FAF1: variants seen among roughly 807,000 people sequenced by gnomAD.
FAF1 encodes the protein Fas associated factor 1, also known as FAS-associated factor 1.
Under a neutral mutation model 92.5 loss-of-function variants are expected in FAF1, and 25 were observed. The observed-to-expected ratio is 0.27, with a 90% CI of 0.20 to 0.38. The LOEUF is 0.38. Among genes scored for constraint, FAF1 ranks in the 10% least tolerant of loss-of-function variants. The probability of loss-of-function intolerance (pLI) is 1.00; values close to 1 mark genes in which losing one functional copy is unlikely to be tolerated. For missense variants in FAF1, 636 were observed against 793.3 expected, an observed-to-expected ratio of 0.80 and a Z score of 2.38; for synonymous variants, 234 against 273.2, an observed-to-expected ratio of 0.86 and a Z score of 1.42.
At chr1:50,950,237 G>T (rs1288464170) in intron 1 of FAF1, among the ~76,000 whole-genome samples, 1 of 152,114 alleles carries the variant, frequency 6.6e-6, no homozygotes, top group African/African-American at 2.4e-5. Flanking sequence ...AAAACAAAAA[G>T]ACAACAGCTA....
At chr1:50,727,075 C>T (rs1433820571) in intron 6 of FAF1, among the ~76,000 whole-genome samples, 1 of 152,214 alleles carries the variant, frequency 6.6e-6, no homozygotes, top group Non-Finnish European at 1.5e-5. Flanking sequence ...CTTCACTCTG[C>T]CCTTCACTTA....
chr1:50,704,142 A>C (rs1657581228), intron 7 of FAF1, among the ~76,000 whole-genome samples: 1 of 152,202 alleles, frequency 6.6e-6, no homozygotes, highest in Admixed American at 6.5e-5. Flanking sequence ...TAACTTGGCC[A>C]TTATGCTCCT....
At chr1:50,713,632 A>G (rs1658043574) in intron 6 of FAF1, among the ~76,000 whole-genome samples, 1 of 152,068 alleles carries the variant, frequency 6.6e-6, no homozygotes, top group Non-Finnish European at 1.5e-5. Flanking sequence ...CAAACGTAGA[A>G]CCTTTTAAAA....
chr1:50,720,373 T>G (rs116307259), intron 6 of FAF1, among the ~76,000 whole-genome samples: 1,981 of 152,296 alleles, frequency 0.013, 42 homozygotes, highest in African/African-American at 0.044. Flanking sequence ...AAATTTAAGT[T>G]GAACAGTAAT....
intron 1 of FAF1, among the ~76,000 whole-genome samples, chr1:50,866,147 C>A (rs1644480093): frequency 6.6e-6 from 1 of 152,074 alleles, no homozygotes; most frequent in African/African-American, 2.4e-5. Context: ...CAAAATCCAG[C>A]ATTTCTCTGT....
intron 4 of FAF1, among the ~76,000 whole-genome samples, chr1:50,760,996 T>A (rs188878417): frequency 1.3e-5 from 2 of 152,150 alleles, no homozygotes; most frequent in East Asian, 3.9e-4. Flanking sequence ...TAAAAAATGA[T>A]AAAGGGGATA....
chr1:50,750,587 G>A (rs530879188), intron 4 of FAF1, among the ~76,000 whole-genome samples: 19 of 150,360 alleles, frequency 1.3e-4, no homozygotes, highest in Non-Finnish European at 2.4e-4. Flanking sequence ...TCCTTTGTTT[G>A]GAGTAATGTT....
intron 15 of FAF1, among the ~76,000 whole-genome samples, chr1:50,517,463 T>C (rs9645408): frequency 0.071 from 10,869 of 152,152 alleles, 418 homozygotes; most frequent in African/African-American, 0.098. Flanking sequence ...GATACTTTTA[T>C]TTACATAGTG....
At chr1:50,892,343 T>C (rs954777559) in intron 1 of FAF1, among the ~76,000 whole-genome samples, 6 of 152,346 alleles carry the variant, frequency 3.9e-5, no homozygotes, top group Middle Eastern at 3.4e-3. Context: ...TGGTTCACGC[T>C]TGGTGCGCTG....
chr1:50,865,913 A>C (rs1644478043), intron 1 of FAF1, among the ~76,000 whole-genome samples: 1 of 151,938 alleles, frequency 6.6e-6, no homozygotes, highest in South Asian at 2.1e-4. Context: ...AAAAGAAAAG[A>C]TCCAACTAAG....
intron 5 of FAF1, among the ~76,000 whole-genome samples, chr1:50,742,667 A>C (rs376574210): frequency 6.6e-6 from 1 of 152,334 alleles, no homozygotes; most frequent in South Asian, 2.1e-4. Flanking sequence ...TACAAGGGTG[A>C]GCCACTCCAC....
At chr1:50,453,550 T>G (rs1646318673) in intron 18 of FAF1, among the ~76,000 whole-genome samples, 1 of 152,234 alleles carries the variant, frequency 6.6e-6, no homozygotes, top group Non-Finnish European at 1.5e-5. Flanking sequence ...CAAGGCTCTC[T>G]CTGAGCTATT....
rs371954466 is a variant in FAF1, at chr1:50,779,566, AG to A, written c.367+8433del. On this transcript the variant is annotated intron_variant, in intron 4 of 18. Coordinates refer to ENST00000396153, the MANE Select transcript of FAF1 (RefSeq NM_007051.3). ...ATATCTAAATATATATTTAGATATG[AG>A]ATAAATATAGAAAATTATATATAAA... 1.8e-4 allele frequency among the ~76,000 whole-genome samples: 28 copies of A among 151,752 alleles called. No individual in the cohort carries two copies. In the South Asian group the frequency reaches 4.6e-3, roughly 25 times the overall value.
intron 18 of FAF1, among the ~76,000 whole-genome samples, chr1:50,454,542 G>C (rs887714888): frequency 2.0e-5 from 3 of 152,170 alleles, no homozygotes; most frequent in African/African-American, 7.2e-5. Context: ...TCCCTCATAT[G>C]CCTATCCCAT....
intron 13 of FAF1, 94 bp downstream of exon 13, chr1:50,566,983 A>G (rs1418747019): frequency 3.2e-6 from 3 of 951,874 alleles, no homozygotes; most frequent in East Asian, 5.1e-5. Flanking sequence ...AGAGAGTTTA[A>G]TGCTGAGGAT....
rs1486866107 is a variant in FAF1, at chr1:50,441,332, A to G, written c.*108T>C. On this transcript the variant is annotated 3_prime_UTR_variant, in exon 19 of 19. Coordinates refer to ENST00000396153, the MANE Select transcript of FAF1 (RefSeq NM_007051.3). Reference sequence around the variant, plus strand: ...CAATTTTGCAAGAGGCAGAAGTGTGACATTGAATTGAGTGAGACGAGCGTG... The same window carrying G: ...CAATTTTGCAAGAGGCAGAAGTGTGGCATTGAATTGAGTGAGACGAGCGTG... The G allele has an allele frequency of 1.0e-5, 6 of 586,850 alleles. No individual in the cohort carries two copies. Among genetic ancestry groups the G allele is most frequent in the African/African-American group, 7.6e-5 (4 of 52,506 alleles). 36.4% of individuals were successfully genotyped at this position (586,850 alleles called of 1,614,324 possible). A position where few individuals can be genotyped will look rare whatever the true frequency, so the allele number is the denominator to read the frequency against.
At chr1:50,749,063 T>A (rs973447069) in intron 4 of FAF1, among the ~76,000 whole-genome samples, 5 of 152,228 alleles carry the variant, frequency 3.3e-5, no homozygotes, top group Non-Finnish European at 4.4e-5. Context: ...AAAACTTTAA[T>A]CAATCTTGGC....
At chr1:50,671,674 A>G (rs570358409) in intron 7 of FAF1, among the ~76,000 whole-genome samples, 115 of 152,202 alleles carry the variant, frequency 7.6e-4, no homozygotes, top group Admixed American at 2.5e-3. Flanking sequence ...TATTACAATC[A>G]CTACCAGTCT....
At chr1:50,700,247 G>A (rs1307331771) in intron 7 of FAF1, among the ~76,000 whole-genome samples, 1 of 151,970 alleles carries the variant, frequency 6.6e-6, no homozygotes, top group African/African-American at 2.4e-5. Context: ...AGGGGGCTGT[G>A]TGTAATGGGT....
Sources: gnomAD v4.1 joint callset for allele counts (sites outside exome capture counted in the v4.1 genomes callset) on GRCh38, gnomAD v4.1.1 for gene constraint, MANE v1.5 for transcripts, NCBI Gene and HGNC (gene_info 2026-07-23, HGNC 2026-07-21) for gene names.